RYR2: variants seen among roughly 807,000 people sequenced by gnomAD.
RYR2 encodes ryanodine receptor 2.
A neutral mutation model predicts 601.1 loss-of-function variants in RYR2; 227 were observed. That is an observed-to-expected ratio of 0.38 (90% CI 0.34 to 0.42). The LOEUF is 0.42. RYR2 is among the 10% of genes least tolerant of loss of function. The pLI is 1.00. For synonymous variants in RYR2, 2,223 were observed against 2,175.1 expected (o/e 1.02, Z -0.61); for missense variants, 4,646 against 6,156.5 (o/e 0.75, Z 8.21).
At chr1:237,203,827 A>G (rs575178086) in intron 1 of RYR2, among the ~76,000 whole-genome samples, 2 of 152,268 alleles carry the variant, frequency 1.3e-5, no homozygotes, top group South Asian at 2.1e-4. Flanking sequence ...TCCTCCTAGA[A>G]CGTTTCCTCT....
chr1:237,672,641 T>C (rs1032759022), intron 58 of RYR2, among the ~76,000 whole-genome samples: 18 of 152,208 alleles, frequency 1.2e-4, no homozygotes, highest in Non-Finnish European at 2.5e-4. Flanking sequence ...TTTGAAAATA[T>C]ATAATAAATT....
intron 10 of RYR2, among the ~76,000 whole-genome samples, chr1:237,400,412 C>T (rs188419742): frequency 5.1e-4 from 78 of 152,170 alleles, no homozygotes; most frequent in African/African-American, 1.8e-3. Context: ...GCACAATGTC[C>T]TGTGTCTCCC....
chr1:237,331,208 G>C (rs940352289), intron 3 of RYR2, among the ~76,000 whole-genome samples: 1 of 152,232 alleles, frequency 6.6e-6, no homozygotes, highest in Middle Eastern at 3.4e-3. Context: ...ACTAGGCCTC[G>C]TGCTTATGTC....
At chr1:237,632,389 C>CTTT (rs11448751) in intron 42 of RYR2, among the ~76,000 whole-genome samples, 243 of 127,400 alleles carry the variant, frequency 1.9e-3, no homozygotes, top group East Asian at 6.3e-3. Flanking sequence ...AAAGTGAATT[C>CTTT]TTTTTTTTTT....
chr1:237,448,924 A>G (rs1657725639), intron 14 of RYR2, among the ~76,000 whole-genome samples: 1 of 151,272 alleles, frequency 6.6e-6, no homozygotes. Context: ...GTCCCATTTG[A>G]TAATCCCTGT....
chr1:237,643,427 A>C lies in RYR2; in HGVS notation c.7322A>C (p.Gln2441Pro). The C allele has an allele frequency of 6.2e-7, 1 of 1,613,898 alleles. No individual in the cohort carries two copies. The highest frequency in any genetic ancestry group is 8.5e-7 in the Non-Finnish European group (1 of 1,179,842). ...DLVGVISIAFQMPTIAKDGNV... is the reference protein window; with the variant it reads ...DLVGVISIAFPMPTIAKDGNV... ...GTGGGCGTTATCAGCATCGCTTTTCAGATGCCAACAATAGCCAAAGGTAAG... is the reference window on the plus strand; with the variant it reads ...GTGGGCGTTATCAGCATCGCTTTTCCGATGCCAACAATAGCCAAAGGTAAG... The change falls in exon 48 of 105, where the codon CAG becomes CCG. Residue 2441 changes from glutamine (Q) to proline (P), a missense_variant. By Grantham distance (76) the Gln-to-Pro change is moderately conservative. Coordinates refer to ENST00000366574, the MANE Select transcript of RYR2 (RefSeq NM_001035.3).
At chr1:237,061,737 G>A (rs1340191953) in intron 1 of RYR2, among the ~76,000 whole-genome samples, 1 of 151,838 alleles carries the variant, frequency 6.6e-6, no homozygotes, top group Non-Finnish European at 1.5e-5. Flanking sequence ...TGTTGTTAGT[G>A]TCGAAGAGCA....
In RYR2 at chr1:237,611,147, G is replaced by A. The variant is rs180786094; in HGVS notation, c.4910+159G>A. Among the ~76,000 whole-genome samples, 68 of 152,242 alleles carry A rather than the reference G, an allele frequency of 4.5e-4. No individual in the cohort carries two copies. In the East Asian group the frequency reaches 0.01, roughly 23 times the overall value. On this transcript the variant is annotated intron_variant, in intron 36 of 104. Transcript: ENST00000366574. ...TTAGGCAATGGAGTCATTATTCTGCGTATTCTAAGTTTAAGTTTATTTCTC... is the reference window on the plus strand; with the variant it reads ...TTAGGCAATGGAGTCATTATTCTGCATATTCTAAGTTTAAGTTTATTTCTC...
At position 237,461,393 on chromosome 1, in the gene RYR2, G is replaced by A. The variant is rs148376250; in HGVS notation, c.1612+4658G>A. 3.4e-3 allele frequency among the ~76,000 whole-genome samples: 510 copies of A among 152,198 alleles called. 5 individuals carry two copies. The highest frequency in any genetic ancestry group is 0.012 in the African/African-American group (488 of 41,532). ...CTTCTTATGAACTTTCATAGACTCT[G>A]TGACCTTGTTTACACCCCTCTTTTA... On this transcript the variant is annotated intron_variant, in intron 16 of 104. Coordinates refer to ENST00000366574, the MANE Select transcript of RYR2 (RefSeq NM_001035.3).
intron 3 of RYR2, among the ~76,000 whole-genome samples, chr1:237,337,195 T>C (rs1334784202): frequency 7.1e-6 from 1 of 141,372 alleles, no homozygotes; most frequent in Non-Finnish European, 1.5e-5. Flanking sequence ...GATTTTGCAG[T>C]GAGCCCAGAT....
chr1:237,249,269 T>C (rs1687219807), intron 1 of RYR2, among the ~76,000 whole-genome samples: 1 of 152,140 alleles, frequency 6.6e-6, no homozygotes, highest in Non-Finnish European at 1.5e-5. Flanking sequence ...TCCTTCAAGA[T>C]TTGTCTTGCT....
intron 1 of RYR2, among the ~76,000 whole-genome samples, chr1:237,239,947 T>G (rs1476553579): frequency 6.6e-6 from 1 of 152,156 alleles, no homozygotes; most frequent in East Asian, 1.9e-4. Flanking sequence ...GGGAAGAAGT[T>G]TGGATAAAAG....
chr1:237,398,996 C>T (rs116305362), intron 10 of RYR2, among the ~76,000 whole-genome samples: 1 of 152,118 alleles, frequency 6.6e-6, no homozygotes, highest in Non-Finnish European at 1.5e-5. Flanking sequence ...GAGTTCAAGA[C>T]CAGCCCAACC....
Position 237,728,954 on chromosome 1 carries a change from C to CA in RYR2, c.10839-1297dup, listed in dbSNP as rs200717789. 1.7e-3 allele frequency among the ~76,000 whole-genome samples: 251 copies of CA among 148,198 alleles called. 1 individual carries two copies. Among genetic ancestry groups the CA allele is most frequent in the African/African-American group, 5.2e-3 (210 of 40,596 alleles). ...ATCCCAGAACTTAAAGTAATGAAAGCAAAAAAAAAGAATATTAACTTTGAA... is the reference window on the plus strand; with the variant it reads ...ATCCCAGAACTTAAAGTAATGAAAGCAAAAAAAAAAGAATATTAACTTTGAA... On this transcript the variant is annotated intron_variant, in intron 76 of 104. Transcript: ENST00000366574.
intron 40 of RYR2, among the ~76,000 whole-genome samples, chr1:237,627,338 G>C (rs1350006177): frequency 6.6e-6 from 1 of 152,214 alleles, no homozygotes. Context: ...ATTATACGTA[G>C]TCACTAGTGC....
chr1:237,268,430 C>G (rs1477119944), intron 1 of RYR2, among the ~76,000 whole-genome samples: 2 of 152,180 alleles, frequency 1.3e-5, no homozygotes, highest in African/African-American at 4.8e-5. Context: ...TATAGCCACA[C>G]TGCACATGAA....
chr1:237,474,673 G>T (rs1661204215), intron 17 of RYR2, among the ~76,000 whole-genome samples: 1 of 152,090 alleles, frequency 6.6e-6, no homozygotes, highest in Non-Finnish European at 1.5e-5. Context: ...CTCCCTGGGA[G>T]AGCTTTGCTT....
rs184305621 is a variant in RYR2 at position 237,391,591 on chromosome 1, T to C, written c.773+3408T>C. 1.6e-3 allele frequency among the ~76,000 whole-genome samples: 239 copies of C among 152,288 alleles called. 1 individual carries two copies. The highest frequency in any genetic ancestry group is 5.3e-3 in the African/African-American group (222 of 41,570). ...TGGTCATAAATGCTGTGTTTCTACATGGATTTGTGCACCTGTTCCTGCTTT... is the reference window on the plus strand; with the variant it reads ...TGGTCATAAATGCTGTGTTTCTACACGGATTTGTGCACCTGTTCCTGCTTT... On this transcript the variant is annotated intron_variant, in intron 10 of 104. Transcript: ENST00000366574.
At chr1:237,569,358 G>A (rs1442526229) in intron 29 of RYR2, 39 bp downstream of exon 29, 10 of 1,583,886 alleles carry the variant, frequency 6.3e-6, no homozygotes, top group Non-Finnish European at 8.6e-6. Flanking sequence ...TAAGTTTGCA[G>A]CACAAGGAAG....
Sources: allele counts gnomAD v4.1 joint callset (sites outside exome capture counted in the v4.1 genomes callset), GRCh38; gene constraint gnomAD v4.1.1; transcripts MANE v1.5; gene names NCBI Gene and HGNC (gene_info 2026-07-23, HGNC 2026-07-21).